Variants in WBP11 observed in about 807,000 individuals in gnomAD.
WBP11 encodes the protein WW domain-binding protein 11.
A neutral mutation model predicts 66.7 loss-of-function variants in WBP11; 12 were observed. The ratio of observed to expected loss-of-function variants is 0.18; its 90% CI spans 0.12 to 0.29. The LOEUF (loss-of-function observed/expected upper bound fraction) is 0.29. Ranked by LOEUF, WBP11 falls within the 10% of genes least tolerant of loss-of-function variation. The pLI, the probability that WBP11 is intolerant of heterozygous loss-of-function variation, is 1.00. For synonymous variants in WBP11, 255 were observed against 273.8 expected, an observed-to-expected ratio of 0.93 and a Z score of 0.68; for missense variants, 555 against 818.3, an observed-to-expected ratio of 0.68 and a Z score of 3.93.
intron 11 of WBP11, 43 bp from the exon 12 acceptor site, chr12:14,787,541 T>C (rs772852707): frequency 7.0e-7 from 1 of 1,419,932 alleles, no homozygotes; most frequent in Non-Finnish European, 9.3e-7. Flanking sequence ...TAAGAACTAA[T>C]AAAATTTAAC....
chr12:14,797,063 T>C (rs1949901830), intron 4 of WBP11, 60 bp from the exon 5 acceptor site: 1 of 1,424,090 alleles, frequency 7.0e-7, no homozygotes, highest in Non-Finnish European at 9.3e-7. Flanking sequence ...TAGGTATCAA[T>C]AGGTTACATG....
intron 10 of WBP11, among the ~76,000 whole-genome samples, chr12:14,790,096 T>C (rs113415013): frequency 3.3e-5 from 5 of 152,218 alleles, no homozygotes; most frequent in African/African-American, 1.2e-4. Context: ...CACAAGACAT[T>C]ATTAACTGTG....
chr12:14,797,033 A>G (rs1949901470), intron 4 of WBP11, 30 bp from the exon 5 acceptor site: 1 of 1,535,200 alleles, frequency 6.5e-7, no homozygotes, highest in African/African-American at 1.4e-5. Flanking sequence ...ATGGAATTAA[A>G]TATAAGAGGC....
At chr12:14,802,301 A>G (rs1450223192) in intron 1 of WBP11, among the ~76,000 whole-genome samples, 1 of 152,204 alleles carries the variant, frequency 6.6e-6, no homozygotes, top group Admixed American at 6.5e-5. Context: ...ATAAAGGCGG[A>G]CAAATTTGCT....
At position 14,788,407 on chromosome 12, in the gene WBP11, A is replaced by G. The variant is rs558278948; in HGVS notation, c.1492+544T>C. Among the ~76,000 whole-genome samples the G allele has an allele frequency of 2.0e-5, 3 of 152,352 alleles. No individual in the cohort carries two copies. The East Asian group carries it at 5.8e-4, about 29-fold the overall frequency. ...AATACCACTTTTAAATGAAATATTAAGTACATTTTATCAAATCTAAGATCC... is the reference window on the plus strand; with the variant it reads ...AATACCACTTTTAAATGAAATATTAGGTACATTTTATCAAATCTAAGATCC... On this transcript the variant is annotated intron_variant, in intron 11 of 11. Coordinates refer to ENST00000261167, the MANE Select transcript of WBP11 (RefSeq NM_016312.3).
chr12:14,789,017 G>A lies in WBP11; in HGVS notation c.1426C>T (p.Pro476Ser). 1 of 1,499,164 alleles carries A rather than the reference G, an allele frequency of 6.7e-7. No homozygotes were observed. The highest frequency in any genetic ancestry group is 1.4e-5 in the South Asian group (1 of 70,744). The allele number at this position is 1,499,164 out of a possible 1,614,324, so 92.9% of individuals were successfully genotyped here. A position where few individuals can be genotyped will look rare whatever the true frequency, so the allele number is the denominator to read the frequency against. Residue 476 changes from proline (P) to serine (S), a missense_variant, in exon 11 of 12, where the codon CCA becomes TCA. Coordinates refer to ENST00000261167, the MANE Select transcript of WBP11 (RefSeq NM_016312.3). ...RPPGPPPGPP[P>S]GLPPGPPPRG... Reference sequence around the variant, plus strand: ...GGAGGGGGACCAGGAGGCAGACCTGGAGGTGGACCTGGGGGAGGGCCAGGG... The same window carrying A: ...GGAGGGGGACCAGGAGGCAGACCTGAAGGTGGACCTGGGGGAGGGCCAGGG...
At chr12:14,790,414 C>G in intron 10 of WBP11, 42 bp downstream of exon 10, 1 of 1,591,972 alleles carries the variant, frequency 6.3e-7, no homozygotes, top group Non-Finnish European at 8.6e-7. Flanking sequence ...TGACTTCATT[C>G]TAACCTCATT....
intron 6 of WBP11, 31 bp from the exon 7 acceptor site, chr12:14,794,767 C>A (rs777591873): frequency 9.8e-6 from 15 of 1,531,566 alleles, no homozygotes; most frequent in South Asian, 3.9e-5. Flanking sequence ...AACAAAAAAA[C>A]CCCCACAGTA....
At position 14,796,773 on chromosome 12, in the gene WBP11, TTA is replaced by T; in HGVS notation, c.387+32_387+33del. 4 of 1,564,182 alleles carry T rather than the reference TTA, an allele frequency of 2.6e-6. No individual in the cohort carries two copies. The highest frequency in any genetic ancestry group is 3.4e-6 in the Non-Finnish European group (4 of 1,162,784). On this transcript the variant is annotated intron_variant, in intron 5 of 11. Coordinates refer to ENST00000261167, the MANE Select transcript of WBP11 (RefSeq NM_016312.3). The surrounding 1 kb of genome is among the most constrained non-coding windows in gnomAD (Gnocchi z 4.5). ...AGGGATACTCAATCTGTATAATATT[TTA>T]GTTTATCTCTCAAAAAAAAAACCTT...
intron 10 of WBP11, among the ~76,000 whole-genome samples, chr12:14,789,944 G>C (rs1949802123): frequency 2.0e-5 from 3 of 152,184 alleles, no homozygotes; most frequent in Non-Finnish European, 4.4e-5. Flanking sequence ...AAAGTTCTCT[G>C]TTGCTTCATT....
Position 14,784,623 on chromosome 12 carries a change from TA to T in WBP11, c.*2441del, listed in dbSNP as rs1342426191. 1 of 152,182 alleles carries T rather than the reference TA, an allele frequency of 6.6e-6. No homozygotes were observed. Among genetic ancestry groups the T allele is most frequent in the African/African-American group, 2.4e-5 (1 of 41,446 alleles). 9.4% of individuals were successfully genotyped at this position (152,182 alleles called of 1,614,324 possible). Reference sequence around the variant, plus strand: ...TTTTAATCAAGAGCACAAACAAGAATATACAAAATGAGAACTGAAACAGAAT... The same window carrying T: ...TTTTAATCAAGAGCACAAACAAGAATTACAAAATGAGAACTGAAACAGAAT... On this transcript the variant is annotated 3_prime_UTR_variant, in exon 12 of 12. Transcript: ENST00000261167.
intron 8 of WBP11, among the ~76,000 whole-genome samples, chr12:14,793,430 T>G (rs1417150799): frequency 6.7e-6 from 1 of 148,698 alleles, no homozygotes; most frequent in African/African-American, 2.6e-5. Flanking sequence ...CTACTCTCCT[T>G]TCTTTCCTGT....
Position 14,794,589 on chromosome 12 carries a change from T to C in WBP11, c.669A>G (p.Leu223=). Residue 223 remains leucine (L), a synonymous_variant, in exon 7 of 12, where the codon CTA becomes CTG. Coordinates refer to ENST00000261167, the MANE Select transcript of WBP11 (RefSeq NM_016312.3). ...CATCTCGCCTACGAGGGGGAAGATC[T>C]AGGGCAAAACCCACTTTACGGCCAT... ...QMYGRKVGFA[L]DLPPRRRDED... is the part of the protein sequence containing the mutation. The C allele has an allele frequency of 6.2e-7, 1 of 1,614,118 alleles. No homozygotes were observed. Among genetic ancestry groups the C allele is most frequent in the Non-Finnish European group, 8.5e-7 (1 of 1,180,024 alleles).
chr12:14,786,969 G>A lies in WBP11; in HGVS notation c.*96C>T, dbSNP rs1949760669. On this transcript the variant is annotated 3_prime_UTR_variant, in exon 12 of 12. Transcript: ENST00000261167. ...TTGAACTGAAATTAGAAAATACCCT[G>A]ACAATGGAAGCAGCTCTTTCATCTA... is the stretch of plus-strand genomic sequence containing the variant. The A allele has an allele frequency of 7.9e-7, 1 of 1,273,316 alleles. No homozygotes were observed. The highest frequency in any genetic ancestry group is 2.4e-4 in the Middle Eastern group (1 of 4,120). The allele number at this position is 1,273,316 out of a possible 1,614,324, so 78.9% of individuals were successfully genotyped here.
Position 14,787,197 on chromosome 12 carries a change from T to G in WBP11, c.1794A>C (p.Arg598Ser), listed in dbSNP as rs376068592. 1.1e-4 allele frequency: 175 copies of G among 1,613,990 alleles called. No homozygotes were observed. Among genetic ancestry groups the G allele is most frequent in the Non-Finnish European group, 1.4e-4 (171 of 1,180,044 alleles). The change falls in exon 12 of 12, where the codon AGA becomes AGC. Residue 598 changes from arginine (R) to serine (S), a missense_variant. By Grantham distance (110) the Arg-to-Ser change is moderately radical. Transcript: ENST00000261167. ...ENKGATAAPQ[R>S]KSEDDSAVPL... ...GCACAGCAGAATCATCCTCTGACTTTCTTTGGGGAGCAGCAGTAGCCCCTT... is the reference window on the plus strand; with the variant it reads ...GCACAGCAGAATCATCCTCTGACTTGCTTTGGGGAGCAGCAGTAGCCCCTT...
At chr12:14,793,696 T>C (rs746388396) in intron 8 of WBP11, 35 bp downstream of exon 8, 10 of 1,597,512 alleles carry the variant, frequency 6.3e-6, no homozygotes, top group African/African-American at 2.7e-5. Flanking sequence ...TTTCTCTTTA[T>C]TGATCAATAC....
intron 1 of WBP11, among the ~76,000 whole-genome samples, 191 bp downstream of exon 1, chr12:14,803,161 G>C (rs926099634): frequency 1.5e-4 from 23 of 152,166 alleles, no homozygotes; most frequent in African/African-American, 5.3e-4. Flanking sequence ...CGACCCGGGC[G>C]ATGCCAACCG....
chr12:14,791,311 C>T (rs1466926101), intron 8 of WBP11, 41 bp from the exon 9 acceptor site: 8 of 1,559,704 alleles, frequency 5.1e-6, no homozygotes, highest in African/African-American at 2.7e-5. Context: ...TTGGCATCAA[C>T]AAAATTCAGT....
intron 4 of WBP11, 69 bp from the exon 5 acceptor site, chr12:14,797,072 T>C (rs189730601): frequency 2.4e-4 from 330 of 1,361,032 alleles, no homozygotes; most frequent in Non-Finnish European, 3.0e-4. Context: ...ATAGGTTACA[T>C]GATAAAAACC....
Sources: allele counts gnomAD v4.1 joint callset (sites outside exome capture counted in the v4.1 genomes callset), GRCh38; gene constraint gnomAD v4.1.1; non-coding constraint Gnocchi (gnomAD v3.1); transcripts MANE v1.5; gene names NCBI Gene and HGNC (gene_info 2026-07-23, HGNC 2026-07-21).